Variants in SGCE observed in about 807,000 individuals in gnomAD.
SGCE encodes sarcoglycan epsilon.
SGCE carries 26 observed loss-of-function variants against 57.8 expected under a neutral mutation model. The observed-to-expected ratio is 0.45, with a 90% CI of 0.33 to 0.62. The LOEUF (loss-of-function observed/expected upper bound fraction) is 0.62, where lower values mean the gene tolerates loss of function less well. Ranked by LOEUF, SGCE falls within the 20% of genes least tolerant of loss-of-function variation. The pLI is 0.02. For synonymous variants in SGCE, 183 were observed against 189.5 expected (o/e 0.97, Z 0.28); for missense variants, 468 against 548.6 (o/e 0.85, Z 1.47).
chr7:94,641,254 C>T (rs1806343326), intron 1 of SGCE, among the ~76,000 whole-genome samples: 1 of 152,140 alleles, frequency 6.6e-6, no homozygotes, highest in Non-Finnish European at 1.5e-5. Flanking sequence ...CTGGTGACTC[C>T]TTGAAAGTGG....
At position 94,614,107 on chromosome 7, in the gene SGCE, C is replaced by CAAA. The variant is rs925650428; in HGVS notation, c.662+4648_662+4650dup. ...AATTTTCTTGTACCCAAATTGAAAT[C>CAAA]AAAAAAAAAAAAAAAAAAAAAAACA... On this transcript the variant is annotated intron_variant, in intron 5 of 10. Coordinates refer to ENST00000648936, the MANE Select transcript of SGCE (RefSeq NM_003919.3). Among the ~76,000 whole-genome samples the CAAA allele has an allele frequency of 2.9e-3, 273 of 94,790 alleles. 1 individual carries two copies. The highest frequency in any genetic ancestry group is 4.9e-3 in the East Asian group (15 of 3,064). The allele number at this position is 94,790 out of a possible 152,430, so 62.2% of individuals were successfully genotyped here.
At chr7:94,587,568 T>C in intron 10 of SGCE, 5 of 1,330,256 alleles carry the variant, frequency 3.8e-6, no homozygotes, top group Non-Finnish European at 3.8e-6. Flanking sequence ...TTTATCTTTT[T>C]TCTCTCTTTA....
At position 94,639,415 on chromosome 7, in the gene SGCE, C is replaced by G. The variant is rs1299915406; in HGVS notation, c.110-9574G>C. The G allele has an allele frequency of 8.5e-6, 13 of 1,534,808 alleles. No individual in the cohort carries two copies. In the East Asian group the frequency reaches 3.2e-4, roughly 38 times the overall value. On this transcript the variant is annotated intron_variant, in intron 1 of 10. Coordinates refer to ENST00000648936, the MANE Select transcript of SGCE (RefSeq NM_003919.3). ...CTGTCTGGTCTTCCAGTTAACTGTT[C>G]CATTTATGCCATCAGCACAGCTTAA...
intron 5 of SGCE, among the ~76,000 whole-genome samples, chr7:94,607,145 GAATCA>G (rs1254378351): frequency 6.6e-6 from 1 of 152,046 alleles, no homozygotes; most frequent in African/African-American, 2.4e-5. Context: ...TAAGGAAATT[GAATCA>G]ATAATTAATA....
At chr7:94,654,034 T>G (rs955170614) in intron 1 of SGCE, among the ~76,000 whole-genome samples, 3 of 152,118 alleles carry the variant, frequency 2.0e-5, no homozygotes, top group Non-Finnish European at 4.4e-5. Context: ...ATTTATTGTA[T>G]AGCTACCTAT....
intron 5 of SGCE, among the ~76,000 whole-genome samples, chr7:94,610,226 A>G (rs1165499055): frequency 6.6e-6 from 1 of 152,196 alleles, no homozygotes; most frequent in Admixed American, 6.5e-5. Flanking sequence ...AACAGGTGGG[A>G]CATAGATGAC....
intron 5 of SGCE, among the ~76,000 whole-genome samples, chr7:94,604,664 G>T (rs1044134764): frequency 6.6e-6 from 1 of 151,124 alleles, no homozygotes; most frequent in African/African-American, 2.4e-5. Flanking sequence ...TAATGGTGCT[G>T]GAAAAACTGG....
intron 9 of SGCE, among the ~76,000 whole-genome samples, chr7:94,592,244 C>A (rs373511085): frequency 6.6e-6 from 1 of 152,162 alleles, no homozygotes; most frequent in East Asian, 1.9e-4. Flanking sequence ...TACTTTATAA[C>A]AGCACTGCTT....
chr7:94,650,635 G>C (rs1473129177), intron 1 of SGCE, among the ~76,000 whole-genome samples: 1 of 151,918 alleles, frequency 6.6e-6, no homozygotes, highest in Admixed American at 6.6e-5. Flanking sequence ...TATCTTTCAG[G>C]TCTACACTAA....
intron 1 of SGCE, among the ~76,000 whole-genome samples, chr7:94,630,416 T>C (rs1804513349): frequency 6.6e-6 from 1 of 151,872 alleles, no homozygotes; most frequent in African/African-American, 2.4e-5. Context: ...CTCGCATCTC[T>C]TGTAGAAATG....
intron 5 of SGCE, among the ~76,000 whole-genome samples, chr7:94,609,710 C>T (rs1800710548): frequency 6.6e-6 from 1 of 152,196 alleles, no homozygotes; most frequent in African/African-American, 2.4e-5. Context: ...GTGGCAATAT[C>T]AAATGCTGGC....
rs199787155 is a variant in SGCE, at chr7:94,629,812, C to T, written c.139G>A (p.Asp47Asn). Reference protein sequence around the residue: ...VYSIFSKVHSDRNVYPSAGVL... With the variant: ...VYSIFSKVHSNRNVYPSAGVL... ...CCTGCTGATGGGTATACATTCCGAT[C>T]GGAGTGTACCTTGGAGAAAATACTG... Residue 47 changes from aspartate to asparagine, a missense_variant, in exon 2 of 11, where the codon GAT (aspartate) becomes AAT (asparagine). Coordinates refer to ENST00000648936, the MANE Select transcript of SGCE (RefSeq NM_003919.3). The T allele has an allele frequency of 7.1e-5, 115 of 1,610,710 alleles. No individual in the cohort carries two copies. In the South Asian group the frequency reaches 8.8e-4, roughly 12 times the overall value.
At chr7:94,590,536 A>T (rs924351131) in intron 9 of SGCE, 1 of 152,210 alleles carries the variant, frequency 6.6e-6, no homozygotes, top group African/African-American at 2.4e-5. Context: ...AAATTAGTTT[A>T]TGAAAATGTA....
chr7:94,650,348 C>T (rs994320553), intron 1 of SGCE, among the ~76,000 whole-genome samples: 5 of 152,142 alleles, frequency 3.3e-5, no homozygotes, highest in African/African-American at 1.2e-4. Flanking sequence ...TCGGCATCCA[C>T]GGCCACTCAG....
chr7:94,612,502 G>A (rs1329298268), intron 5 of SGCE, among the ~76,000 whole-genome samples: 1 of 151,934 alleles, frequency 6.6e-6, no homozygotes, highest in Non-Finnish European at 1.5e-5. Flanking sequence ...ATAGTTTTAT[G>A]GCAGTATAAT....
intron 6 of SGCE, among the ~76,000 whole-genome samples, chr7:94,601,186 AC>A (rs1321607479): frequency 4.6e-5 from 7 of 152,018 alleles, no homozygotes; most frequent in African/African-American, 1.4e-4. Context: ...AGTCCTTTAC[AC>A]TACCATGTAA....
At chr7:94,611,449 T>C (rs1011187705) in intron 5 of SGCE, among the ~76,000 whole-genome samples, 6 of 139,164 alleles carry the variant, frequency 4.3e-5, no homozygotes, top group African/African-American at 1.4e-4. Context: ...GGCACATTTA[T>C]AGAGACAGCA....
At chr7:94,587,013 G>T (rs1025009337) in intron 10 of SGCE, 4 of 982,814 alleles carry the variant, frequency 4.1e-6, no homozygotes, top group Middle Eastern at 5.2e-4. Flanking sequence ...AAACAAGAAG[G>T]TAATAGGCTC....
At chr7:94,602,081 A>C (rs959223629) in intron 6 of SGCE, among the ~76,000 whole-genome samples, 3 of 152,140 alleles carry the variant, frequency 2.0e-5, no homozygotes, top group African/African-American at 4.8e-5. Context: ...AATAGTCCTA[A>C]ACATAAACTC....
Sources: allele counts gnomAD v4.1 joint callset (sites outside exome capture counted in the v4.1 genomes callset), GRCh38; gene constraint gnomAD v4.1.1; transcripts MANE v1.5; gene names NCBI Gene and HGNC (gene_info 2026-07-23, HGNC 2026-07-21).